The following VPS36 variants were observed in gnomAD, a reference collection of about 807,000 sequenced individuals.
VPS36 encodes the protein vacuolar protein-sorting-associated protein 36.
VPS36 carries 31 observed loss-of-function variants against 63.5 expected under a neutral mutation model. The ratio of observed to expected loss-of-function variants is 0.49; its 90% CI spans 0.37 to 0.66. The LOEUF is 0.66. VPS36 is among the 30% of genes least tolerant of loss of function. VPS36 has a pLI of 0.00. For synonymous variants in VPS36, 138 were observed against 157.2 expected, an observed-to-expected ratio of 0.88 and a Z score of 0.91; for missense variants, 338 against 463.7, an observed-to-expected ratio of 0.73 and a Z score of 2.49.
intron 12 of VPS36, among the ~76,000 whole-genome samples, chr13:52,416,582 C>T (rs4886018): frequency 0.47 from 71,910 of 152,054 alleles, 18,880 homozygotes; most frequent in East Asian, 0.64. Context: ...GAAGACAGTA[C>T]TATTTCAAGC....
At chr13:52,432,994 T>C (rs1958175545) in intron 6 of VPS36, among the ~76,000 whole-genome samples, 1 of 152,256 alleles carries the variant, frequency 6.6e-6, no homozygotes, top group Admixed American at 6.5e-5. Context: ...AAAGATTTAC[T>C]TTAAAGCATC....
At chr13:52,419,226 T>C (rs1326249920) in intron 10 of VPS36, among the ~76,000 whole-genome samples, 1 of 152,156 alleles carries the variant, frequency 6.6e-6, no homozygotes, top group East Asian at 1.9e-4. Flanking sequence ...AGACAGAACC[T>C]TGGAGGCTAA....
intron 1 of VPS36, among the ~76,000 whole-genome samples, chr13:52,442,919 GA>G (rs541152766): frequency 8.7e-4 from 132 of 152,304 alleles, no homozygotes; most frequent in Non-Finnish European, 1.7e-3. Context: ...GGGTAGAAGG[GA>G]AGCAAAGAGC....
intron 3 of VPS36, among the ~76,000 whole-genome samples, chr13:52,437,066 T>C (rs1232945660): frequency 6.6e-6 from 1 of 152,130 alleles, no homozygotes; most frequent in East Asian, 1.9e-4. Flanking sequence ...TTTTTTTTTT[T>C]TCTACCTAGT....
At chr13:52,422,748 G>A (rs1179515901) in intron 10 of VPS36, among the ~76,000 whole-genome samples, 1 of 152,162 alleles carries the variant, frequency 6.6e-6, no homozygotes, top group Non-Finnish European at 1.5e-5. Context: ...TTTTATGGCT[G>A]CATATAACAG....
rs1958325315 is a variant in VPS36, at chr13:52,445,221, CA to C, written c.97-2777del. On this transcript the variant is annotated intron_variant, in intron 1 of 13. Coordinates refer to ENST00000378060, the MANE Select transcript of VPS36 (RefSeq NM_016075.4). ...TCTGGCACTTAGTTCAGTCTGGCTT[CA>C]AACATTTTGGTTAATCTCATCTATG... Among the ~76,000 whole-genome samples the C allele has an allele frequency of 2.6e-5, 4 of 152,204 alleles. No homozygotes were observed. The South Asian group carries it at 8.3e-4, about 31-fold the overall frequency.
rs528681523 is a variant in VPS36, at chr13:52,450,010, G to A, written c.96+489C>T. ...ATCCCTCCGACTGCATAAGGTCCAA[G>A]CTAAAGCTTCCGCTGGGGCACGGAC... On this transcript the variant is annotated intron_variant, in intron 1 of 13. Transcript: ENST00000378060. 3.7e-5 allele frequency: 36 copies of A among 986,258 alleles called. No homozygotes were observed. In the South Asian group the frequency reaches 1.5e-3, roughly 41 times the overall value. 61.1% of individuals were successfully genotyped at this position (986,258 alleles called of 1,614,324 possible).
intron 10 of VPS36, among the ~76,000 whole-genome samples, chr13:52,419,170 G>T (rs551562042): frequency 6.6e-6 from 1 of 152,212 alleles, no homozygotes; most frequent in East Asian, 1.9e-4. Context: ...ATGGGACTGG[G>T]TGAGCCATTT....
At chr13:52,436,258 T>G (rs1958215736) in intron 4 of VPS36, 32 bp downstream of exon 4, 2 of 896,892 alleles carry the variant, frequency 2.2e-6, no homozygotes, top group Non-Finnish European at 3.3e-6. Context: ...CACACACCTT[T>G]CTAGTACGAT....
At chr13:52,431,954 C>T (rs1958162819) in intron 6 of VPS36, among the ~76,000 whole-genome samples, 2 of 151,922 alleles carry the variant, frequency 1.3e-5, no homozygotes. Context: ...CTCCCACTGG[C>T]CAAAGATGGG....
intron 6 of VPS36, among the ~76,000 whole-genome samples, chr13:52,431,204 C>T (rs899891700): frequency 6.6e-6 from 1 of 152,010 alleles, no homozygotes; most frequent in Admixed American, 6.6e-5. Flanking sequence ...GCTCAGACAG[C>T]GTAAACACAG....
chr13:52,428,004 T>TA (rs1958121340), intron 6 of VPS36, among the ~76,000 whole-genome samples: 1 of 152,208 alleles, frequency 6.6e-6, no homozygotes, highest in African/African-American at 2.4e-5. Flanking sequence ...AAACAGGTAT[T>TA]ACTTAACTGA....
chr13:52,418,044 C>G lies in VPS36; in HGVS notation c.853G>C (p.Glu285Gln), dbSNP rs1337164881. The change falls in exon 11 of 14, where the codon GAA becomes CAA. Residue 285 changes from glutamate (E) to glutamine (Q), a missense_variant. By Grantham distance (29) the Glu-to-Gln change is conservative (BLOSUM62 2). Coordinates refer to ENST00000378060, the MANE Select transcript of VPS36 (RefSeq NM_016075.4). ...RARGMELLSP[E>Q]DLVNACKMLE... ...ATCTTGCACGCATTCACTAAATCTTCTGGTGAGAGCAACTAATAGGGAAAA... is the reference window on the plus strand; with the variant it reads ...ATCTTGCACGCATTCACTAAATCTTGTGGTGAGAGCAACTAATAGGGAAAA... 1 of 1,611,414 alleles carries G rather than the reference C, an allele frequency of 6.2e-7. No homozygotes were observed. Among genetic ancestry groups the G allele is most frequent in the South Asian group, 1.1e-5 (1 of 90,210 alleles).
intron 6 of VPS36, among the ~76,000 whole-genome samples, chr13:52,427,969 C>A (rs1958120715): frequency 6.6e-6 from 1 of 152,122 alleles, no homozygotes; most frequent in African/African-American, 2.4e-5. Context: ...AGGAATAGTT[C>A]TCTGGGCACA....
intron 3 of VPS36, among the ~76,000 whole-genome samples, chr13:52,438,605 G>A (rs961931092): frequency 6.6e-6 from 1 of 152,074 alleles, no homozygotes; most frequent in African/African-American, 2.4e-5. Context: ...TTGAACTTAC[G>A]CCTTTATACC....
chr13:52,450,239 G>C (rs12430462), intron 1 of VPS36: 251,146 of 1,097,990 alleles, frequency 0.23, 30,032 homozygotes, highest in South Asian at 0.3. Context: ...GGAGGGAAGC[G>C]GCCGCGATCC....
In VPS36 at chr13:52,450,558, T is replaced by G; in HGVS notation, c.37A>C (p.Ile13Leu). 2 of 1,594,314 alleles carry G rather than the reference T, an allele frequency of 1.3e-6. No individual in the cohort carries two copies. The highest frequency in any genetic ancestry group is 2.2e-5 in the South Asian group (2 of 88,974). Residue 13 changes from isoleucine (I) to leucine (L), a missense_variant, in exon 1 of 14, where the codon ATC (isoleucine) becomes CTC (leucine). Physicochemically the swap from Ile to Leu is conservative, Grantham distance 5. Coordinates refer to ENST00000378060, the MANE Select transcript of VPS36 (RefSeq NM_016075.4). ...RFVWTSGLLE[I>L]NETLVIQQRG... ...TGCTGGATCACCAGGGTCTCGTTGA[T>G]CTCCAGGAGGCCGCTGGTCCAAACG...
At chr13:52,441,382 C>T (rs1215412788) in intron 2 of VPS36, among the ~76,000 whole-genome samples, 1 of 152,114 alleles carries the variant, frequency 6.6e-6, no homozygotes, top group African/African-American at 2.4e-5. Flanking sequence ...AATGTATATA[C>T]ACTTTCAGGT....
intron 6 of VPS36, among the ~76,000 whole-genome samples, chr13:52,427,805 G>A (rs983216497): frequency 3.3e-5 from 5 of 152,116 alleles, no homozygotes; most frequent in Non-Finnish European, 7.4e-5. Flanking sequence ...GATATAAACA[G>A]TAGTTCAGAA....
Sources: gnomAD v4.1 joint callset for allele counts (sites outside exome capture counted in the v4.1 genomes callset) on GRCh38, gnomAD v4.1.1 for gene constraint, MANE v1.5 for transcripts, NCBI Gene and HGNC (gene_info 2026-07-23, HGNC 2026-07-21) for gene names.